Variants in CNGA3 observed in about 807,000 individuals in gnomAD.
CNGA3 encodes cyclic nucleotide gated channel subunit alpha 3.
CNGA3 carries 42 observed loss-of-function variants against 46.6 expected under a neutral mutation model. The ratio of observed to expected loss-of-function variants is 0.90; its 90% CI spans 0.70 to 1.17. CNGA3 has a LOEUF of 1.17. CNGA3 is among the 50% of genes most tolerant of loss of function. CNGA3 has a pLI of 0.00. For missense variants in CNGA3, 893 were observed against 890.7 expected (o/e 1.00, Z -0.03); for synonymous variants, 394 against 369.4 (o/e 1.07, Z -0.76).
chr2:98,370,605 C>A (rs1487671509), intron 2 of CNGA3, among the ~76,000 whole-genome samples: 1 of 152,212 alleles, frequency 6.6e-6, no homozygotes, highest in Non-Finnish European at 1.5e-5. Context: ...CCATCAATGA[C>A]ATCCTGACAC....
intron 1 of CNGA3, among the ~76,000 whole-genome samples, chr2:98,361,337 A>G (rs1574362768): frequency 6.6e-6 from 1 of 152,140 alleles, no homozygotes; most frequent in South Asian, 2.1e-4. Flanking sequence ...AGCTCCATCC[A>G]TGTCCCTGCA....
chr2:98,396,771 G>C lies in CNGA3; in HGVS notation c.1601G>C (p.Gly534Ala). ...EGKLAVVADD[G>A]VTQFVVLSDG... ...AAGCTGGCCGTGGTGGCTGATGATG[G>C]GGTCACCCAGTTCGTGGTCCTCAGC... Residue 534 changes from glycine (G) to alanine (A), a missense_variant, in exon 8 of 8, where the codon GGG (glycine) becomes GCG (alanine). This residue lies in a region of CNGA3 where 548 missense variants were observed against 570.8 expected (regional missense o/e 0.96). Transcript: ENST00000272602. 1.1e-5 allele frequency: 17 copies of C among 1,614,170 alleles called. No individual in the cohort carries two copies. Among genetic ancestry groups the C allele is most frequent in the Non-Finnish European group, 1.4e-5 (17 of 1,180,040 alleles).
intron 2 of CNGA3, chr2:98,377,455 A>G: frequency 1.9e-6 from 1 of 518,254 alleles, no homozygotes; most frequent in South Asian, 2.0e-5. Flanking sequence ...CCGTCCTTTC[A>G]CCTAGCCCTG....
chr2:98,353,055 CAT>C (rs1691801336), intron 1 of CNGA3, among the ~76,000 whole-genome samples: 1 of 152,156 alleles, frequency 6.6e-6, no homozygotes, highest in South Asian at 2.1e-4. Context: ...CCAATTAACA[CAT>C]ATTTTGTAAG....
chr2:98,381,821 G>A lies in CNGA3; in HGVS notation c.395+1467G>A, dbSNP rs905480638. On this transcript the variant is annotated intron_variant, in intron 4 of 7. Transcript: ENST00000272602. ...CCAGGACTGGGCATCCAGTATCCTC[G>A]AGGGACACCATGAGACAGAAAGATA... Among the ~76,000 whole-genome samples, 9 of 152,228 alleles carry A rather than the reference G, an allele frequency of 5.9e-5. No individual in the cohort carries two copies. In the East Asian group the frequency reaches 1.5e-3, roughly 26 times the overall value.
intron 2 of CNGA3, among the ~76,000 whole-genome samples, chr2:98,371,855 G>T (rs1189919723): frequency 6.6e-6 from 1 of 152,336 alleles, no homozygotes; most frequent in Admixed American, 6.5e-5. Flanking sequence ...TCAGGGAGAA[G>T]GAGCCCAAGA....
intron 1 of CNGA3, among the ~76,000 whole-genome samples, chr2:98,364,361 G>C (rs377410487): frequency 1.1e-4 from 16 of 151,892 alleles, no homozygotes; most frequent in African/African-American, 3.6e-4. Context: ...CTGGGCAACA[G>C]AGCAAGACTC....
chr2:98,367,600 T>G (rs1388644694), intron 1 of CNGA3, among the ~76,000 whole-genome samples: 1 of 152,158 alleles, frequency 6.6e-6, no homozygotes, highest in African/African-American at 2.4e-5. Flanking sequence ...CATCTCAAAC[T>G]GGAATCATTC....
In CNGA3 at chr2:98,398,489, T is replaced by G. The variant is rs1692976602; in HGVS notation, c.*1234T>G. ...TCTTTCTTCTTCCTTCTTTCTTCCT[T>G]TTTCTCTCTCCTCTTTTCCTCCTCA... On this transcript the variant is annotated 3_prime_UTR_variant, in exon 8 of 8. Transcript: ENST00000272602. The G allele has an allele frequency of 6.6e-6, 1 of 152,198 alleles. No individual in the cohort carries two copies. Among genetic ancestry groups the G allele is most frequent in the South Asian group, 2.1e-4 (1 of 4,832 alleles). 9.4% of individuals were successfully genotyped at this position (152,198 alleles called of 1,614,324 possible).
chr2:98,369,741 T>C (rs945899942), intron 1 of CNGA3, among the ~76,000 whole-genome samples, 198 bp from the exon 2 acceptor site: 1 of 152,176 alleles, frequency 6.6e-6, no homozygotes, highest in Non-Finnish European at 1.5e-5. Context: ...AGTAAAAGAC[T>C]TTGTGCCTTA....
chr2:98,370,042 C>A lies in CNGA3; in HGVS notation c.67C>A (p.Arg23=). 2.5e-6 allele frequency: 4 copies of A among 1,613,944 alleles called. No individual in the cohort carries two copies. Among genetic ancestry groups the A allele is most frequent in the Non-Finnish European group, 8.5e-7 (1 of 1,179,948 alleles). Residue 23 remains arginine (R), a synonymous_variant, in exon 2 of 8, where the codon CGA becomes AGA. Coordinates refer to ENST00000272602, the MANE Select transcript of CNGA3 (RefSeq NM_001298.3). The stretch of plus-strand genomic sequence containing the variant: ...CCACCTCAAGGTAAAGACCTCAGAC[C>A]GAGATCTCAATCGCGCTGAAAATGG... ...RTHLKVKTSD[R]DLNRAENGLS... is the part of the protein sequence containing the mutation.
chr2:98,361,020 T>A (rs775562174), intron 1 of CNGA3, among the ~76,000 whole-genome samples: 1 of 107,686 alleles, frequency 9.3e-6, no homozygotes, highest in Non-Finnish European at 2.4e-5. Flanking sequence ...TATTTTATTT[T>A]ATTTATTTTA....
intron 3 of CNGA3, among the ~76,000 whole-genome samples, chr2:98,378,417 A>C (rs1362994610): frequency 6.6e-6 from 1 of 152,212 alleles, no homozygotes; most frequent in Admixed American, 6.5e-5. Flanking sequence ...TTCAGAGCCA[A>C]GCACCGACTC....
chr2:98,360,070 A>T lies in CNGA3; in HGVS notation c.-37-9869A>T, dbSNP rs563626219. Among the ~76,000 whole-genome samples, 471 of 152,346 alleles carry T rather than the reference A, an allele frequency of 3.1e-3. 2 individuals are homozygous for T. Among genetic ancestry groups the T allele is most frequent in the African/African-American group, 0.011 (442 of 41,574 alleles). On this transcript the variant is annotated intron_variant, in intron 1 of 7. Transcript: ENST00000272602. ...CCTGCCCAGGCCTAAAGGCAATACCAGTTCCCTCAATGACTTTGCACTCTC... is the reference window on the plus strand; with the variant it reads ...CCTGCCCAGGCCTAAAGGCAATACCTGTTCCCTCAATGACTTTGCACTCTC...
At chr2:98,347,537 G>A (rs919819818) in intron 1 of CNGA3, among the ~76,000 whole-genome samples, 13 of 152,204 alleles carry the variant, frequency 8.5e-5, no homozygotes, top group African/African-American at 3.1e-4. Flanking sequence ...TCTGCAGCGG[G>A]GGTCTCCGGT....
Position 98,396,080 on chromosome 2 carries a change from G to A in CNGA3, c.910G>A (p.Gly304Arg). The change falls in exon 8 of 8, where the codon GGG becomes AGG. Residue 304 changes from glycine to arginine, a missense_variant. Transcript: ENST00000272602. ...CAACTACCCCAATATGTTCAGGATTGGGAACTTGGTCTTGTACATTCTCAT... is the reference window on the plus strand; with the variant it reads ...CAACTACCCCAATATGTTCAGGATTAGGAACTTGGTCTTGTACATTCTCAT... The part of the protein sequence containing the change: ...RTNYPNMFRI[G>R]NLVLYILIII... The A allele has an allele frequency of 6.2e-7, 1 of 1,614,146 alleles. No individual in the cohort carries two copies. The highest frequency in any genetic ancestry group is 8.5e-7 in the Non-Finnish European group (1 of 1,180,034).
intron 2 of CNGA3, among the ~76,000 whole-genome samples, chr2:98,370,925 A>G (rs998535828): frequency 6.6e-6 from 1 of 152,134 alleles, no homozygotes; most frequent in African/African-American, 2.4e-5. Context: ...ACTGGGTTCA[A>G]GTGATTCTCC....
chr2:98,378,413 G>A (rs1692462021), intron 3 of CNGA3, among the ~76,000 whole-genome samples: 1 of 152,190 alleles, frequency 6.6e-6, no homozygotes, highest in Non-Finnish European at 1.5e-5. Context: ...CTGCTTCAGA[G>A]CCAAGCACCG....
In CNGA3 at chr2:98,397,219, C is replaced by T. The variant is rs923799882; in HGVS notation, c.2049C>T (p.Pro683=). 26 of 1,613,812 alleles carry T rather than the reference C, an allele frequency of 1.6e-5. No homozygotes were observed. The highest frequency in any genetic ancestry group is 2.2e-5 in the Non-Finnish European group (26 of 1,180,028). Residue 683 remains proline (P), a synonymous_variant, in exon 8 of 8, where the codon CCC becomes CCT. Coordinates refer to ENST00000272602, the MANE Select transcript of CNGA3 (RefSeq NM_001298.3). The part of the protein sequence containing the change: ...GDKPLADGEV[P]GDATKTEDKQ... Reference sequence around the variant, plus strand: ...AGCCCCTGGCTGATGGGGAAGTTCCCGGGGATGCTACAAAAACAGAGGACA... The same window carrying T: ...AGCCCCTGGCTGATGGGGAAGTTCCTGGGGATGCTACAAAAACAGAGGACA...
Sources: allele counts gnomAD v4.1 joint callset (sites outside exome capture counted in the v4.1 genomes callset), GRCh38; gene constraint gnomAD v4.1.1; regional missense constraint gnomAD v4.1.1; transcripts MANE v1.5; gene names NCBI Gene and HGNC (gene_info 2026-07-23, HGNC 2026-07-21).